The following PDCD1LG2 variants were observed in gnomAD, a reference collection of about 807,000 sequenced individuals.
PDCD1LG2 encodes the protein programmed cell death 1 ligand 2, also known as B7 dendritic cell molecule.
A neutral mutation model predicts 28.2 loss-of-function variants in PDCD1LG2; 32 were observed. The ratio of observed to expected loss-of-function variants is 1.13; its 90% CI spans 0.86 to 1.52. The LOEUF (loss-of-function observed/expected upper bound fraction) is 1.52, where lower values mean the gene tolerates loss of function less well. Ranked by LOEUF, PDCD1LG2 falls within the 40% of genes most tolerant of loss-of-function variation. The probability of loss-of-function intolerance (pLI) is 0.00; values close to 1 mark genes in which losing one functional copy is unlikely to be tolerated. For missense variants in PDCD1LG2, 385 were observed against 323.8 expected (o/e 1.19, Z -1.45); for synonymous variants, 116 against 120.2 (o/e 0.97, Z 0.23).
intron 2 of PDCD1LG2, 107 bp downstream of exon 2, chr9:5,522,708 G>T: frequency 1.1e-6 from 1 of 951,850 alleles, no homozygotes; most frequent in Non-Finnish European, 1.6e-6. Flanking sequence ...TTCTTTGAGA[G>T]GACGTATGAT....
Position 5,570,382 on chromosome 9 carries a change from C to G in PDCD1LG2, c.*423C>G. 8.2e-6 allele frequency: 2 copies of G among 243,880 alleles called. No homozygotes were observed. The highest frequency in any genetic ancestry group is 1.2e-4 in the East Asian group (2 of 17,358). The allele number at this position is 243,880 out of a possible 1,614,324, so 15.1% of individuals were successfully genotyped here. Reference sequence around the variant, plus strand: ...GGTTGCCAATAGAGTTATTTTTTATCTATAGCTTCCTCTGGGTACTAGAAG... The same window carrying G: ...GGTTGCCAATAGAGTTATTTTTTATGTATAGCTTCCTCTGGGTACTAGAAG... On this transcript the variant is annotated 3_prime_UTR_variant, in exon 7 of 7. Coordinates refer to ENST00000397747, the MANE Select transcript of PDCD1LG2 (RefSeq NM_025239.4).
chr9:5,538,547 G>A (rs1167926086), intron 3 of PDCD1LG2, among the ~76,000 whole-genome samples: 1 of 152,120 alleles, frequency 6.6e-6, no homozygotes, highest in Non-Finnish European at 1.5e-5. Flanking sequence ...AATTAGCCGG[G>A]CGCGGTGGCG....
intron 2 of PDCD1LG2, among the ~76,000 whole-genome samples, chr9:5,523,741 T>C (rs1414941926): frequency 1.3e-5 from 2 of 152,222 alleles, no homozygotes; most frequent in African/African-American, 2.4e-5. Context: ...CATAGAGTGA[T>C]AAGGGAAATG....
chr9:5,522,508 T>C, intron 1 of PDCD1LG2, 25 bp from the exon 2 acceptor site: 1 of 1,592,356 alleles, frequency 6.3e-7, no homozygotes, highest in Non-Finnish European at 8.6e-7. Context: ...CACAAGGCCC[T>C]GAGACTTTCA....
chr9:5,528,539 A>C (rs941330523), intron 2 of PDCD1LG2, among the ~76,000 whole-genome samples: 1 of 151,422 alleles, frequency 6.6e-6, no homozygotes, highest in African/African-American at 2.4e-5. Flanking sequence ...TCCTGGACTC[A>C]AGCCATCTTC....
chr9:5,549,773 G>A (rs1008040643), intron 4 of PDCD1LG2, among the ~76,000 whole-genome samples, 169 bp downstream of exon 4: 2 of 152,226 alleles, frequency 1.3e-5, no homozygotes, highest in African/African-American at 4.8e-5. Flanking sequence ...CTTCAATGTT[G>A]GGAGGGCAAT....
intron 1 of PDCD1LG2, among the ~76,000 whole-genome samples, chr9:5,512,784 C>T (rs1223443539): frequency 6.6e-6 from 1 of 152,096 alleles, no homozygotes; most frequent in Non-Finnish European, 1.5e-5. Flanking sequence ...AAATCAGCTC[C>T]CCATCTTCTA....
chr9:5,532,306 T>A (rs918849651), intron 2 of PDCD1LG2, among the ~76,000 whole-genome samples: 8 of 152,332 alleles, frequency 5.3e-5, no homozygotes, highest in African/African-American at 1.7e-4. Flanking sequence ...GTTCTAGCCA[T>A]GGTTAAAACA....
chr9:5,561,894 C>G (rs980569688), intron 5 of PDCD1LG2, among the ~76,000 whole-genome samples: 2 of 152,176 alleles, frequency 1.3e-5, no homozygotes, highest in Non-Finnish European at 2.9e-5. Context: ...GCACTAACCT[C>G]AGGCATAAAT....
chr9:5,549,745 T>A, intron 4 of PDCD1LG2, 141 bp downstream of exon 4: 1 of 1,076,278 alleles, frequency 9.3e-7, no homozygotes, highest in Non-Finnish European at 1.3e-6. Context: ...CTACAAAGGA[T>A]AGTGCAGAAC....
intron 1 of PDCD1LG2, among the ~76,000 whole-genome samples, chr9:5,521,561 G>A (rs1009883289): frequency 5.3e-5 from 8 of 151,930 alleles, no homozygotes; most frequent in Non-Finnish European, 7.4e-5. Flanking sequence ...ATTCCTAACC[G>A]ATCTCACTGC....
At position 5,570,535 on chromosome 9, in the gene PDCD1LG2, A is replaced by G. The variant is rs1007950567; in HGVS notation, c.*576A>G. 6 of 232,968 alleles carry G rather than the reference A, an allele frequency of 2.6e-5. No homozygotes were observed. Among genetic ancestry groups the G allele is most frequent in the Non-Finnish European group, 4.2e-5 (5 of 117,974 alleles). The allele number at this position is 232,968 out of a possible 1,614,324, so 14.4% of individuals were successfully genotyped here. The stretch of plus-strand genomic sequence containing the variant: ...GTTCTAATTAACAGAGAGCATTTAA[A>G]TATACACTAAGTGCACAAATTGTGG... On this transcript the variant is annotated 3_prime_UTR_variant, in exon 7 of 7. Coordinates refer to ENST00000397747, the MANE Select transcript of PDCD1LG2 (RefSeq NM_025239.4).
At chr9:5,546,836 T>G (rs1307690191) in intron 3 of PDCD1LG2, among the ~76,000 whole-genome samples, 1 of 152,222 alleles carries the variant, frequency 6.6e-6, no homozygotes, top group Admixed American at 6.5e-5. Flanking sequence ...CAGAGCTTTT[T>G]GGGACATACC....
At chr9:5,510,829 T>A (rs936925400) in intron 1 of PDCD1LG2, 26 bp downstream of exon 1, 2 of 140,008 alleles carry the variant, frequency 1.4e-5, no homozygotes, top group Non-Finnish European at 3.1e-5. Context: ...GTTGAGATAC[T>A]CTCATACTAT....
intron 2 of PDCD1LG2, among the ~76,000 whole-genome samples, chr9:5,533,941 G>A (rs1254642156): frequency 1.3e-5 from 2 of 150,634 alleles, no homozygotes; most frequent in Non-Finnish European, 2.9e-5. Flanking sequence ...TATACATTAA[G>A]TATCAGTTCC....
At chr9:5,518,224 C>A (rs1213230949) in intron 1 of PDCD1LG2, among the ~76,000 whole-genome samples, 1 of 152,242 alleles carries the variant, frequency 6.6e-6, no homozygotes, top group African/African-American at 2.4e-5. Flanking sequence ...ATTTTAGAGC[C>A]TGAGCTCTTA....
intron 1 of PDCD1LG2, among the ~76,000 whole-genome samples, chr9:5,519,323 G>T (rs939382733): frequency 2.6e-5 from 4 of 152,228 alleles, no homozygotes; most frequent in Non-Finnish European, 5.9e-5. Flanking sequence ...AAATGGGTTG[G>T]TTTGCATTTG....
intron 4 of PDCD1LG2, among the ~76,000 whole-genome samples, chr9:5,556,848 C>T (rs1268114193): frequency 6.6e-6 from 1 of 152,158 alleles, no homozygotes; most frequent in Admixed American, 6.5e-5. Context: ...CAGTCTGGAG[C>T]CCTTGTTCTA....
intron 2 of PDCD1LG2, among the ~76,000 whole-genome samples, chr9:5,531,201 T>C (rs906937264): frequency 6.6e-6 from 1 of 152,230 alleles, no homozygotes; most frequent in African/African-American, 2.4e-5. Flanking sequence ...GCTTAGTGAA[T>C]CTAATTTGCA....
Sources: allele counts gnomAD v4.1 joint callset (sites outside exome capture counted in the v4.1 genomes callset), GRCh38; gene constraint gnomAD v4.1.1; transcripts MANE v1.5; gene names NCBI Gene and HGNC (gene_info 2026-07-23, HGNC 2026-07-21).